YWHAE: variants seen among roughly 807,000 people sequenced by gnomAD.
YWHAE encodes 14-3-3 protein epsilon.
Under a neutral mutation model 30.1 loss-of-function variants are expected in YWHAE, and 4 were observed. The observed-to-expected ratio is 0.13, with a 90% CI of 0.07 to 0.30. The LOEUF is 0.30. YWHAE is among the 10% of genes least tolerant of loss of function. YWHAE has a pLI of 1.00. For missense variants in YWHAE, 121 were observed against 315.9 expected (o/e 0.38, Z 4.68); for synonymous variants, 118 against 111.8 (o/e 1.06, Z -0.35).
In YWHAE at chr17:1,396,921, C is replaced by A. The variant is rs376398552; in HGVS notation, c.64+3126G>T. Among the ~76,000 whole-genome samples, 305 of 149,308 alleles carry A rather than the reference C, an allele frequency of 2.0e-3. 7 individuals carry two copies. In the South Asian group the frequency reaches 0.042, roughly 21 times the overall value. On this transcript the variant is annotated intron_variant, in intron 1 of 5. Coordinates refer to ENST00000264335, the MANE Select transcript of YWHAE (RefSeq NM_006761.5). The stretch of plus-strand genomic sequence containing the variant: ...ACAGGCATGAGCCACCGCACCTGGC[C>A]TCTTTTTTTTTTTTTTGGAGACAAG...
chr17:1,362,697 A>T (rs1380189790), intron 2 of YWHAE, among the ~76,000 whole-genome samples: 3 of 152,090 alleles, frequency 2.0e-5, no homozygotes, highest in Admixed American at 2.0e-4. Context: ...CTCATGCAGC[A>T]CTACTGCTGA....
At chr17:1,361,790 AACATTGAACAATTATTCTT>A (rs2072868853) in intron 3 of YWHAE, 93 bp downstream of exon 3, 5 of 629,630 alleles carry the variant, frequency 7.9e-6, no homozygotes, top group Non-Finnish European at 1.3e-5. Context: ...CTATCCTTCT[AACATTGAACAATTATTCTT>A]AAATAAAAGT....
chr17:1,399,764 T>G, intron 1 of YWHAE: 1 of 70,344 alleles, frequency 1.4e-5, no homozygotes, highest in South Asian at 2.4e-4. Flanking sequence ...GCCCCGGGAC[T>G]CGCCCTCCCC....
intron 1 of YWHAE, among the ~76,000 whole-genome samples, chr17:1,370,268 A>G (rs2073013613): frequency 6.6e-6 from 1 of 151,200 alleles, no homozygotes; most frequent in Non-Finnish European, 1.5e-5. Context: ...CTGGGACCAC[A>G]GGCGCCCGTC....
At chr17:1,377,349 T>C (rs905476133) in intron 1 of YWHAE, among the ~76,000 whole-genome samples, 16 of 152,152 alleles carry the variant, frequency 1.1e-4, no homozygotes, top group Non-Finnish European at 1.6e-4. Context: ...TTCAATGACT[T>C]TGCAACCAGA....
chr17:1,362,512 T>A (rs772214909), intron 2 of YWHAE, among the ~76,000 whole-genome samples: 6 of 152,044 alleles, frequency 3.9e-5, no homozygotes, highest in Non-Finnish European at 5.9e-5. Context: ...AGCACTCACA[T>A]CCTTAACAAC....
chr17:1,388,448 G>A (rs1010127882), intron 1 of YWHAE, among the ~76,000 whole-genome samples: 2 of 151,746 alleles, frequency 1.3e-5, no homozygotes, highest in Non-Finnish European at 2.9e-5. Flanking sequence ...CCCAGGAGGT[G>A]GAGCTTGCAG....
intron 1 of YWHAE, among the ~76,000 whole-genome samples, chr17:1,373,158 G>A (rs1450577578): frequency 3.3e-5 from 5 of 151,932 alleles, no homozygotes; most frequent in African/African-American, 1.2e-4. Context: ...CAGGAGAATC[G>A]CTTGAACTCA....
In YWHAE at chr17:1,345,053, C is replaced by T; in HGVS notation, c.*394G>A. 1 of 256,692 alleles carries T rather than the reference C, an allele frequency of 3.9e-6. No homozygotes were observed. The allele number at this position is 256,692 out of a possible 1,614,324, so 15.9% of individuals were successfully genotyped here. A position where few individuals can be genotyped will look rare whatever the true frequency, so the allele number is the denominator to read the frequency against. On this transcript the variant is annotated 3_prime_UTR_variant, in exon 6 of 6. Coordinates refer to ENST00000264335, the MANE Select transcript of YWHAE (RefSeq NM_006761.5). ...AAAATGAAAACTGATACCACTTATG[C>T]CTCTATAGTGTGATTAACCTCTCTC...
At chr17:1,374,038 C>T (rs903579648) in intron 1 of YWHAE, among the ~76,000 whole-genome samples, 1 of 152,108 alleles carries the variant, frequency 6.6e-6, no homozygotes, top group Admixed American at 6.5e-5. Context: ...ATTCATTAGG[C>T]CAGGTGCGGT....
intron 1 of YWHAE, among the ~76,000 whole-genome samples, chr17:1,389,265 G>C (rs1278929114): frequency 6.6e-6 from 1 of 152,044 alleles, no homozygotes; most frequent in Non-Finnish European, 1.5e-5. Flanking sequence ...CACTGCACGT[G>C]GCCCCTACTA....
At position 1,362,113 on chromosome 17, in the gene YWHAE, G is replaced by T; in HGVS notation, c.265-105C>A. Reference sequence around the variant, plus strand: ...GAGGTAGAGAGCTTAGTATTAAAAAGAATTTGTATCCCTCTCCAAACTCCC... The same window carrying T: ...GAGGTAGAGAGCTTAGTATTAAAAATAATTTGTATCCCTCTCCAAACTCCC... On this transcript the variant is annotated intron_variant, in intron 2 of 5. Transcript: ENST00000264335. 4 of 618,846 alleles carry T rather than the reference G, an allele frequency of 6.5e-6. No homozygotes were observed. The South Asian group carries it at 1.3e-4, about 20-fold the overall frequency. 38.3% of individuals were successfully genotyped at this position (618,846 alleles called of 1,614,324 possible). A position where few individuals can be genotyped will look rare whatever the true frequency, so the allele number is the denominator to read the frequency against.
At chr17:1,388,573 C>A (rs2073343098) in intron 1 of YWHAE, among the ~76,000 whole-genome samples, 2 of 90,230 alleles carry the variant, frequency 2.2e-5, no homozygotes, top group African/African-American at 1.2e-4. Flanking sequence ...CCATGCCCAG[C>A]CTTTTTTTTT....
intron 1 of YWHAE, among the ~76,000 whole-genome samples, chr17:1,385,008 T>C (rs942105332): frequency 4.6e-5 from 7 of 151,924 alleles, no homozygotes; most frequent in Admixed American, 3.9e-4. Context: ...AGGTTTGTTT[T>C]TTCTTTTTAG....
At chr17:1,354,050 T>C (rs1023589364) in intron 5 of YWHAE, among the ~76,000 whole-genome samples, 161 bp downstream of exon 5, 2 of 152,170 alleles carry the variant, frequency 1.3e-5, no homozygotes, top group Non-Finnish European at 2.9e-5. Context: ...CTCCGTACTG[T>C]AGCACCATTT....
intron 1 of YWHAE, among the ~76,000 whole-genome samples, chr17:1,391,532 G>A (rs2073389505): frequency 6.6e-6 from 1 of 152,078 alleles, no homozygotes; most frequent in Non-Finnish European, 1.5e-5. Flanking sequence ...GTTAAATTAT[G>A]GTGACTTTCA....
chr17:1,353,119 G>A (rs1003856648), intron 5 of YWHAE, among the ~76,000 whole-genome samples: 2 of 152,150 alleles, frequency 1.3e-5, no homozygotes, highest in African/African-American at 4.8e-5. Context: ...AAAATACTCT[G>A]AAGCGTTTGC....
At chr17:1,373,899 A>C (rs1349703839) in intron 1 of YWHAE, among the ~76,000 whole-genome samples, 1 of 152,146 alleles carries the variant, frequency 6.6e-6, no homozygotes, top group East Asian at 1.9e-4. Context: ...CTTCTTTCCC[A>C]ACACAACCTA....
intron 1 of YWHAE, among the ~76,000 whole-genome samples, chr17:1,392,724 T>G (rs925911923): frequency 1.3e-5 from 2 of 151,492 alleles, no homozygotes; most frequent in Non-Finnish European, 2.9e-5. Flanking sequence ...ATGGCCCAAG[T>G]CTGTAGTCTC....
Sources: gnomAD v4.1 joint callset for allele counts (sites outside exome capture counted in the v4.1 genomes callset) on GRCh38, gnomAD v4.1.1 for gene constraint, MANE v1.5 for transcripts, NCBI Gene and HGNC (gene_info 2026-07-23, HGNC 2026-07-21) for gene names.